COL13A1: variants seen among roughly 807,000 people sequenced by gnomAD.
COL13A1 encodes collagen alpha-1(XIII) chain.
Under a neutral mutation model 130.9 loss-of-function variants are expected in COL13A1, and 89 were observed. The ratio of observed to expected loss-of-function variants is 0.68; its 90% CI spans 0.57 to 0.81. COL13A1 has a LOEUF of 0.81. Among genes scored for constraint, COL13A1 ranks in the 30% least tolerant of loss-of-function variants. The pLI, the probability that COL13A1 is intolerant of heterozygous loss-of-function variation, is 0.00. For missense variants in COL13A1, 879 were observed against 934.6 expected (o/e 0.94, Z 0.78); for synonymous variants, 402 against 341.6 (o/e 1.18, Z -1.95).
chr10:69,917,414 C>T lies in COL13A1; in HGVS notation c.966+81C>T. 3 of 1,264,510 alleles carry T rather than the reference C, an allele frequency of 2.4e-6. No homozygotes were observed. The South Asian group carries it at 4.0e-5, about 17-fold the overall frequency. 78.3% of individuals were successfully genotyped at this position (1,264,510 alleles called of 1,614,324 possible). A position where few individuals can be genotyped will look rare whatever the true frequency, so the allele number is the denominator to read the frequency against. On this transcript the variant is annotated intron_variant, in intron 18 of 40. Transcript: ENST00000645393. ...ATCCCTCTCTCCTCAGCTCTGGGGA[C>T]ACTCTGGAGTCCCAGCTCTTTGGGC...
chr10:69,810,033 ACTGT>A (rs964304219), intron 1 of COL13A1, among the ~76,000 whole-genome samples: 38 of 152,188 alleles, frequency 2.5e-4, no homozygotes, highest in African/African-American at 7.2e-4. Flanking sequence ...CTTACTGTAT[ACTGT>A]CTGTCTGTCT....
intron 17 of COL13A1, among the ~76,000 whole-genome samples, chr10:69,916,119 C>T (rs146920443): frequency 4.3e-4 from 65 of 152,266 alleles, no homozygotes; most frequent in African/African-American, 1.4e-3. Flanking sequence ...GAAGGATGGA[C>T]GAGGACCTCC....
chr10:69,904,144 C>A (rs191571426), intron 15 of COL13A1, among the ~76,000 whole-genome samples: 2 of 152,138 alleles, frequency 1.3e-5, no homozygotes, highest in African/African-American at 4.8e-5. Flanking sequence ...ACTCAGGAAA[C>A]GGAACCAAAC....
chr10:69,830,519 A>C (rs1367100484), intron 2 of COL13A1, among the ~76,000 whole-genome samples: 1 of 152,268 alleles, frequency 6.6e-6, no homozygotes, highest in Admixed American at 6.5e-5. Flanking sequence ...CATTTATCTA[A>C]AGTTAAAAAC....
chr10:69,810,347 T>TGAGAGAGAGAGAGAGAGAGAGA (rs55816117), intron 1 of COL13A1, among the ~76,000 whole-genome samples: 17 of 119,794 alleles, frequency 1.4e-4, no homozygotes, highest in African/African-American at 2.1e-4. Context: ...GCCCTGAGAA[T>TGAGAGAGAGAGAGAGAGAGAGA]GAGAGAGAGA....
chr10:69,954,288 C>T (rs973840096), intron 39 of COL13A1, among the ~76,000 whole-genome samples: 16 of 152,228 alleles, frequency 1.1e-4, no homozygotes, highest in African/African-American at 3.4e-4. Flanking sequence ...TAAAGCACAG[C>T]CACTTGATGC....
chr10:69,895,561 A>T lies in COL13A1; in HGVS notation c.669A>T (p.Gly223=). The T allele has an allele frequency of 6.2e-7, 1 of 1,613,946 alleles. No individual in the cohort carries two copies. Among genetic ancestry groups the T allele is most frequent in the South Asian group, 1.1e-5 (1 of 91,080 alleles). The part of the protein sequence containing the change: ...QGQKGEKGQC[G]EYPHRLLPLL... ...CCTCTCCTTCCCAGGGTCAGTGTGG[A>T]GAGTACCCACACCGGGTAAGTGAAC... Residue 223 remains glycine, a synonymous_variant, in exon 13 of 41, where the codon GGA becomes GGT. Transcript: ENST00000645393.
At chr10:69,816,571 C>T (rs560595515) in intron 1 of COL13A1, among the ~76,000 whole-genome samples, 1 of 151,988 alleles carries the variant, frequency 6.6e-6, no homozygotes, top group Non-Finnish European at 1.5e-5. Context: ...AGAAGTGAGA[C>T]CCTGGATGTG....
chr10:69,866,620 G>A (rs2763355), intron 2 of COL13A1, among the ~76,000 whole-genome samples: 84,653 of 150,624 alleles, frequency 0.56, 24,123 homozygotes, highest in Middle Eastern at 0.73. Flanking sequence ...TGCAAGGCCC[G>A]GGCCTGGGGC....
chr10:69,956,614 C>T, intron 39 of COL13A1: 1 of 207,098 alleles, frequency 4.8e-6, no homozygotes, highest in Non-Finnish European at 1.0e-5. Flanking sequence ...AGCAACTGTC[C>T]TTGCCAAGGT....
intron 2 of COL13A1, among the ~76,000 whole-genome samples, chr10:69,865,437 G>T (rs941225662): frequency 2.6e-5 from 4 of 152,230 alleles, no homozygotes; most frequent in Non-Finnish European, 4.4e-5. Context: ...CCTGTTTGAT[G>T]AAAATTGGCA....
intron 6 of COL13A1, among the ~76,000 whole-genome samples, chr10:69,878,973 A>G (rs543495267): frequency 1.4e-4 from 22 of 152,390 alleles, no homozygotes; most frequent in African/African-American, 5.0e-4. Context: ...CATCTCCAAA[A>G]TAACAATCTC....
At chr10:69,893,214 C>T (rs1461774598) in intron 10 of COL13A1, among the ~76,000 whole-genome samples, 1 of 152,194 alleles carries the variant, frequency 6.6e-6, no homozygotes, top group Non-Finnish European at 1.5e-5. Context: ...TAGCCAAGCA[C>T]GGTAGTGTGT....
At chr10:69,898,640 A>C in intron 13 of COL13A1, 57 bp from the exon 14 acceptor site, 3 of 1,524,326 alleles carry the variant, frequency 2.0e-6, no homozygotes, top group African/African-American at 1.4e-5. Flanking sequence ...CATCGATCTG[A>C]ATACCTGTGA....
intron 10 of COL13A1, among the ~76,000 whole-genome samples, chr10:69,892,600 C>G (rs1401186220): frequency 6.6e-6 from 1 of 152,128 alleles, no homozygotes. Flanking sequence ...GCTTGGCACC[C>G]GAGAAGCAGA....
At chr10:69,853,250 T>G (rs1219871171) in intron 2 of COL13A1, among the ~76,000 whole-genome samples, 1 of 152,226 alleles carries the variant, frequency 6.6e-6, no homozygotes, top group East Asian at 1.9e-4. Flanking sequence ...TTCCATTTCC[T>G]ATGGATACTG....
chr10:69,889,386 C>G (rs1416461313), intron 9 of COL13A1, 28 bp from the exon 10 acceptor site: 2 of 1,606,700 alleles, frequency 1.2e-6, no homozygotes. Flanking sequence ...GAACAGTGCA[C>G]CTGGTACTCA....
chr10:69,871,818 G>T (rs1189047601), intron 3 of COL13A1, among the ~76,000 whole-genome samples: 1 of 152,200 alleles, frequency 6.6e-6, no homozygotes, highest in Non-Finnish European at 1.5e-5. Context: ...TTTGCTATAT[G>T]CCAGCCGCTG....
intron 14 of COL13A1, among the ~76,000 whole-genome samples, chr10:69,899,247 A>G (rs1457466427): frequency 6.6e-6 from 1 of 152,090 alleles, no homozygotes; most frequent in Non-Finnish European, 1.5e-5. Flanking sequence ...CATCTATAAA[A>G]TAAGGATAAT....
Sources: gnomAD v4.1 joint callset for allele counts (sites outside exome capture counted in the v4.1 genomes callset) on GRCh38, gnomAD v4.1.1 for gene constraint, MANE v1.5 for transcripts, NCBI Gene and HGNC (gene_info 2026-07-23, HGNC 2026-07-21) for gene names.